The following IGSF10 variants were observed in gnomAD, a reference collection of about 807,000 sequenced individuals.
IGSF10 encodes the protein immunoglobulin superfamily member 10.
Under a neutral mutation model 128.2 loss-of-function variants are expected in IGSF10, and 126 were observed. That is an observed-to-expected ratio of 0.98 (90% CI 0.85 to 1.14). The LOEUF is 1.14. Among genes scored for constraint, IGSF10 ranks in the 50% most tolerant of loss-of-function variants. The probability of loss-of-function intolerance (pLI) is 0.00; values close to 1 mark genes in which losing one functional copy is unlikely to be tolerated. For synonymous variants in IGSF10, 1,185 were observed against 1,146.2 expected (o/e 1.03, Z -0.68); for missense variants, 3,295 against 3,149.8 (o/e 1.05, Z -1.10).
chr3:151,593,644 T>G, the IGSF10 span, among the ~76,000 whole-genome samples: 4 of 152,030 alleles, frequency 2.6e-5, no homozygotes, highest in East Asian at 5.8e-4. Flanking sequence ...AAAAGAAAAG[T>G]ATTAGGGACC....
At chr3:151,510,234 C>A in the IGSF10 span, among the ~76,000 whole-genome samples, 1 of 152,184 alleles carries the variant, frequency 6.6e-6, no homozygotes, top group Non-Finnish European at 1.5e-5. Flanking sequence ...CCAGTAGGGG[C>A]GGACTGACAC....
the IGSF10 span, among the ~76,000 whole-genome samples, chr3:151,602,249 T>G: frequency 6.6e-6 from 1 of 152,228 alleles, no homozygotes; most frequent in Non-Finnish European, 1.5e-5. Context: ...GAGAATTTAT[T>G]GAATTGGATA....
the IGSF10 span, among the ~76,000 whole-genome samples, chr3:151,493,410 A>G: frequency 1.7e-4 from 26 of 152,328 alleles, no homozygotes; most frequent in African/African-American, 6.0e-4. Flanking sequence ...CCCATATACC[A>G]GGTCCCACAA....
intron 7 of IGSF10, among the ~76,000 whole-genome samples, chr3:151,441,802 C>T (rs914684394): frequency 2.0e-5 from 3 of 152,310 alleles, no homozygotes; most frequent in Admixed American, 6.5e-5. Flanking sequence ...TGGCTCATGC[C>T]TGTAATCCCA....
the IGSF10 span, among the ~76,000 whole-genome samples, chr3:151,572,670 C>T: frequency 2.0e-5 from 3 of 152,220 alleles, no homozygotes; most frequent in Non-Finnish European, 4.4e-5. Flanking sequence ...AAAAAAACAG[C>T]TTCTGGATTC....
chr3:151,543,386 C>T, the IGSF10 span, among the ~76,000 whole-genome samples: 1 of 152,192 alleles, frequency 6.6e-6, no homozygotes. Flanking sequence ...TCTGCTCCAG[C>T]TCTGTGGCTT....
the IGSF10 span, among the ~76,000 whole-genome samples, chr3:151,500,820 G>C: frequency 6.6e-6 from 1 of 152,008 alleles, no homozygotes; most frequent in Non-Finnish European, 1.5e-5. Flanking sequence ...TCAAACTCAA[G>C]GGAACAACTA....
the IGSF10 span, among the ~76,000 whole-genome samples, chr3:151,592,265 A>G: frequency 0.5 from 76,371 of 151,834 alleles, 19,528 homozygotes; most frequent in South Asian, 0.61. Flanking sequence ...CTCCACATAC[A>G]AACGCACACA....
At chr3:151,592,525 G>A in the IGSF10 span, among the ~76,000 whole-genome samples, 1 of 152,152 alleles carries the variant, frequency 6.6e-6, no homozygotes, top group Non-Finnish European at 1.5e-5. Flanking sequence ...GTAAATTAGT[G>A]TTGCAGTCAA....
At chr3:151,486,032 C>T in the IGSF10 span, among the ~76,000 whole-genome samples, 574 of 152,218 alleles carry the variant, frequency 3.8e-3, 3 homozygotes, top group Non-Finnish European at 5.8e-3. Flanking sequence ...CAAGACCCAT[C>T]GGTGTGTTGT....
chr3:151,465,749 T>C (rs759424932), upstream of IGSF10, among the ~76,000 whole-genome samples: 3 of 152,144 alleles, frequency 2.0e-5, no homozygotes, highest in Non-Finnish European at 4.4e-5. Flanking sequence ...AATGGTGCTG[T>C]TACAGCAAAC....
the IGSF10 span, among the ~76,000 whole-genome samples, chr3:151,523,705 T>G: frequency 6.6e-6 from 1 of 152,124 alleles, no homozygotes; most frequent in African/African-American, 2.4e-5. Flanking sequence ...ATGAATACTT[T>G]GGGAGACAAC....
At chr3:151,604,624 C>CAT in the IGSF10 span, among the ~76,000 whole-genome samples, 9 of 134,668 alleles carry the variant, frequency 6.7e-5, no homozygotes, top group East Asian at 4.1e-4. Flanking sequence ...CACACACACA[C>CAT]ACATATATAT....
upstream of IGSF10, among the ~76,000 whole-genome samples, chr3:151,465,966 C>T (rs373818489): frequency 5.3e-5 from 8 of 152,290 alleles, no homozygotes; most frequent in African/African-American, 1.9e-4. Flanking sequence ...AAGGCAAATG[C>T]CAACCTGTAA....
intron 5 of IGSF10, among the ~76,000 whole-genome samples, chr3:151,450,532 A>G (rs911827608): frequency 6.6e-6 from 1 of 152,162 alleles, no homozygotes; most frequent in Admixed American, 6.5e-5. Context: ...GGCATTCTTC[A>G]GCAAATTTTA....
chr3:151,586,921 G>A, the IGSF10 span, among the ~76,000 whole-genome samples: 2 of 152,156 alleles, frequency 1.3e-5, no homozygotes, highest in Non-Finnish European at 2.9e-5. Context: ...CAAAGGAAAT[G>A]CAATAACATG....
the IGSF10 span, among the ~76,000 whole-genome samples, chr3:151,509,923 G>A: frequency 6.6e-6 from 1 of 152,220 alleles, no homozygotes; most frequent in Non-Finnish European, 1.5e-5. Context: ...CAGGGAGGCT[G>A]GGGGAGGGGC....
At chr3:151,532,944 C>T in the IGSF10 span, among the ~76,000 whole-genome samples, 10 of 152,186 alleles carry the variant, frequency 6.6e-5, no homozygotes, top group African/African-American at 2.4e-4. Flanking sequence ...AGTCCAAAAT[C>T]TCCTTAAGCT....
chr3:151,467,158 T>C, the IGSF10 span, among the ~76,000 whole-genome samples: 19 of 152,218 alleles, frequency 1.2e-4, no homozygotes, highest in Admixed American at 1.2e-3. Context: ...GGCTGTGCTC[T>C]GACTGAACTA....
Sources: gnomAD v4.1 joint callset for allele counts (sites outside exome capture counted in the v4.1 genomes callset) on GRCh38, gnomAD v4.1.1 for gene constraint, MANE v1.5 for transcripts, NCBI Gene and HGNC (gene_info 2026-07-23, HGNC 2026-07-21) for gene names.